CSMD1: variants seen among roughly 807,000 people sequenced by gnomAD.
CSMD1 encodes the protein CUB and Sushi multiple domains 1.
CSMD1 carries 213 observed loss-of-function variants against 417.5 expected under a neutral mutation model. That is an observed-to-expected ratio of 0.51 (90% confidence interval 0.46 to 0.57). The LOEUF (loss-of-function observed/expected upper bound fraction) is 0.57. Among genes scored for constraint, CSMD1 ranks in the 20% least tolerant of loss-of-function variants. The pLI is 0.00. For synonymous variants in CSMD1, 2,862 were observed against 1,736.8 expected (o/e 1.65, Z -16.11); for missense variants, 6,923 against 4,529.7 (o/e 1.53, Z -15.17).
chr8:3,923,201 C>T (rs939554126), intron 5 of CSMD1, among the ~76,000 whole-genome samples: 8 of 152,116 alleles, frequency 5.3e-5, no homozygotes, highest in Non-Finnish European at 1.0e-4. Context: ...GAGTGGCTGA[C>T]TCTGGAGCTC....
At chr8:3,847,135 G>A (rs1349955110) in intron 5 of CSMD1, among the ~76,000 whole-genome samples, 1 of 152,030 alleles carries the variant, frequency 6.6e-6, no homozygotes, top group African/African-American at 2.4e-5. Flanking sequence ...TTGCAAGTGG[G>A]CAGGACCTGT....
intron 12 of CSMD1, among the ~76,000 whole-genome samples, chr8:3,442,961 G>C (rs1380884271): frequency 6.6e-6 from 1 of 151,974 alleles, no homozygotes; most frequent in Non-Finnish European, 1.5e-5. Context: ...TTTAAACATG[G>C]TTTTATTAAT....
At chr8:3,310,532 G>C (rs997600236) in intron 23 of CSMD1, among the ~76,000 whole-genome samples, 5 of 152,140 alleles carry the variant, frequency 3.3e-5, no homozygotes, top group Non-Finnish European at 7.3e-5. Context: ...GCGCTATCTT[G>C]AATTTACATT....
intron 3 of CSMD1, among the ~76,000 whole-genome samples, chr8:4,397,694 A>G (rs1358175796): frequency 6.6e-6 from 1 of 152,096 alleles, no homozygotes; most frequent in African/African-American, 2.4e-5. Context: ...AATAGATATT[A>G]ATAAGATTTC....
chr8:4,356,153 T>G (rs930772104), intron 3 of CSMD1, among the ~76,000 whole-genome samples: 4 of 152,330 alleles, frequency 2.6e-5, no homozygotes, highest in African/African-American at 9.6e-5. Flanking sequence ...ATCTTTCTTA[T>G]GCCTTTGCAT....
intron 2 of CSMD1, among the ~76,000 whole-genome samples, chr8:4,594,075 T>C (rs1045343419): frequency 2.0e-5 from 3 of 152,114 alleles, no homozygotes; most frequent in Non-Finnish European, 4.4e-5. Context: ...TTACATGGCC[T>C]CTTCCTCATG....
At chr8:3,267,080 G>A (rs1183129683) in intron 26 of CSMD1, among the ~76,000 whole-genome samples, 1 of 151,748 alleles carries the variant, frequency 6.6e-6, no homozygotes, top group Admixed American at 6.6e-5. Flanking sequence ...CAAGAAGCCA[G>A]AGAGAGGGAA....
At chr8:4,389,987 A>C (rs914063607) in intron 3 of CSMD1, among the ~76,000 whole-genome samples, 1 of 152,184 alleles carries the variant, frequency 6.6e-6, no homozygotes, top group African/African-American at 2.4e-5. Flanking sequence ...TCATTTAGGA[A>C]TATTTTTTAA....
In CSMD1 at chr8:3,214,655, A is replaced by T; in HGVS notation, c.4709T>A (p.Ile1570Lys). Residue 1570 changes from isoleucine (I) to lysine (K), a missense_variant, in exon 30 of 70, where the codon ATA becomes AAA. Ile to Lys is a moderately radical substitution (Grantham distance 102, BLOSUM62 -3). Coordinates refer to ENST00000635120, the MANE Select transcript of CSMD1 (RefSeq NM_033225.6). The part of the protein sequence containing the change: ...PREACFDPGN[I>K]MNGTRVGTDF... ...TGTTCCAACTCTTGTCCCATTCATT[A>T]TATTTCCTGGGTCAAAACAAGCTTC... is the stretch of plus-strand genomic sequence containing the variant. The T allele has an allele frequency of 6.4e-7, 1 of 1,551,948 alleles. No individual in the cohort carries two copies. The highest frequency in any genetic ancestry group is 8.7e-7 in the Non-Finnish European group (1 of 1,147,114).
chr8:3,058,926 T>C (rs560485393), intron 49 of CSMD1, among the ~76,000 whole-genome samples: 3 of 152,252 alleles, frequency 2.0e-5, no homozygotes, highest in African/African-American at 7.2e-5. Flanking sequence ...TACCCCTTGC[T>C]GCTTCTCTGA....
At chr8:3,981,439 G>T (rs985136939) in intron 5 of CSMD1, among the ~76,000 whole-genome samples, 1 of 141,480 alleles carries the variant, frequency 7.1e-6, no homozygotes, top group Non-Finnish European at 1.5e-5. Context: ...ACAAATCACC[G>T]CTAAAGAACT....
chr8:4,921,973 C>G (rs906469542), intron 1 of CSMD1, among the ~76,000 whole-genome samples: 2 of 152,150 alleles, frequency 1.3e-5, no homozygotes, highest in Non-Finnish European at 2.9e-5. Flanking sequence ...TTCACTCAGC[C>G]AAATTTGCTT....
chr8:4,423,004 C>G (rs1406031019), intron 2 of CSMD1, among the ~76,000 whole-genome samples: 1 of 151,886 alleles, frequency 6.6e-6, no homozygotes. Flanking sequence ...TTCTCAGTAA[C>G]ATATGATTGG....
Position 4,159,896 on chromosome 8 carries a change from G to T in CSMD1, c.416-127797C>A, listed in dbSNP as rs570623472. On this transcript the variant is annotated intron_variant, in intron 3 of 69. Coordinates refer to ENST00000635120, the MANE Select transcript of CSMD1 (RefSeq NM_033225.6). ...TAAGTGCGAGCTAGCCTATGAGGAT[G>T]CAAAGGCTTAAGAATGATATAAAAA... Among the ~76,000 whole-genome samples the T allele has an allele frequency of 6.1e-4, 93 of 152,250 alleles. No homozygotes were observed. The Middle Eastern group carries it at 0.014, about 22-fold the overall frequency.
At chr8:4,425,303 G>C (rs908579013) in intron 2 of CSMD1, among the ~76,000 whole-genome samples, 2 of 150,536 alleles carry the variant, frequency 1.3e-5, no homozygotes, top group African/African-American at 4.9e-5. Context: ...TAATATGGAC[G>C]TATGTAGGGA....
At chr8:4,127,453 GAAAAAAAAAAAA>G (rs199764792) in intron 3 of CSMD1, among the ~76,000 whole-genome samples, 3 of 102,746 alleles carry the variant, frequency 2.9e-5, no homozygotes, top group South Asian at 3.5e-4. Flanking sequence ...AAGCATTAAT[GAAAAAAAAAAAA>G]AAAAAAAAAA....
Position 3,114,816 on chromosome 8 carries a change from A to G in CSMD1, c.6430+3583T>C, listed in dbSNP as rs1447122271. ...ATATGTATGTAATAATACATTGTTT[A>G]GCTGCTTGCATTTCTCATGTCAATT... On this transcript the variant is annotated intron_variant, in intron 42 of 69. Transcript: ENST00000635120. Among the ~76,000 whole-genome samples, 6 of 152,220 alleles carry G rather than the reference A, an allele frequency of 3.9e-5. No individual in the cohort carries two copies. In the South Asian group the frequency reaches 8.3e-4, roughly 21 times the overall value.
chr8:3,236,211 C>T (rs1179862671), intron 26 of CSMD1, among the ~76,000 whole-genome samples: 1 of 152,124 alleles, frequency 6.6e-6, no homozygotes, highest in Admixed American at 6.6e-5. Context: ...AGCCACCGCG[C>T]CTCGCCGAAA....
chr8:3,109,521 G>A (rs189687302), intron 43 of CSMD1, among the ~76,000 whole-genome samples: 129 of 152,002 alleles, frequency 8.5e-4, no homozygotes, highest in African/African-American at 2.9e-3. Flanking sequence ...CTCCTTTCTT[G>A]CCCTCTGCTA....
Sources: allele counts gnomAD v4.1 joint callset (sites outside exome capture counted in the v4.1 genomes callset), GRCh38; gene constraint gnomAD v4.1.1; transcripts MANE v1.5; gene names NCBI Gene and HGNC (gene_info 2026-07-23, HGNC 2026-07-21).